The following DLGAP4 variants were observed in gnomAD, a reference collection of about 807,000 sequenced individuals.
DLGAP4 encodes DLG associated protein 4.
In DLGAP4, 18 loss-of-function variants were observed where a neutral mutation model predicts 86.9. That is an observed-to-expected ratio of 0.21 (90% CI 0.14 to 0.31). DLGAP4 has a LOEUF of 0.31. DLGAP4 is among the 10% of genes least tolerant of loss of function. The pLI is 1.00. For missense variants in DLGAP4, 1,085 were observed against 1,362.6 expected (o/e 0.80, Z 3.21); for synonymous variants, 548 against 574.3 (o/e 0.95, Z 0.65).
intron 1 of DLGAP4, among the ~76,000 whole-genome samples, chr20:36,335,752 G>C (rs1385157444): frequency 6.6e-6 from 1 of 152,094 alleles, no homozygotes; most frequent in East Asian, 1.9e-4. Context: ...TTCATCTTTT[G>C]CCCACCTGGA....
At chr20:36,316,943 A>G (rs1029238945) in intron 1 of DLGAP4, among the ~76,000 whole-genome samples, 18,475 of 152,240 alleles carry the variant, frequency 0.12, 3,056 homozygotes, top group African/African-American at 0.38. Flanking sequence ...ACCTACCAGG[A>G]CTGGCTTTTC....
At chr20:36,456,136 C>G (rs1366618580) in intron 7 of DLGAP4, among the ~76,000 whole-genome samples, 1 of 152,150 alleles carries the variant, frequency 6.6e-6, no homozygotes, top group Non-Finnish European at 1.5e-5. Context: ...CCCACTTATC[C>G]CAACATGCAC....
At chr20:36,485,702 G>C (rs573178191) in intron 7 of DLGAP4, among the ~76,000 whole-genome samples, 1 of 152,282 alleles carries the variant, frequency 6.6e-6, no homozygotes, top group African/African-American at 2.4e-5. Flanking sequence ...CATCTGTAAA[G>C]TATCAGTGAT....
rs1029906155 is a variant in DLGAP4, at chr20:36,313,759, G to T, written c.-304+7247G>T. On this transcript the variant is annotated intron_variant, in intron 1 of 12. Coordinates refer to ENST00000339266, the MANE Select transcript of DLGAP4 (RefSeq NM_001365621.2). ...CTGGGGAAACTGAGGCTGCACAGCTGGTGGGTAGTAGAGCTAGGATTTGAA... is the reference window on the plus strand; with the variant it reads ...CTGGGGAAACTGAGGCTGCACAGCTTGTGGGTAGTAGAGCTAGGATTTGAA... Among the ~76,000 whole-genome samples, 3 of 152,302 alleles carry T rather than the reference G, an allele frequency of 2.0e-5. 1 individual carries two copies. Among genetic ancestry groups the T allele is most frequent in the South Asian group, 2.1e-4 (1 of 4,832 alleles).
intron 2 of DLGAP4, among the ~76,000 whole-genome samples, chr20:36,419,666 G>T (rs562250954): frequency 6.6e-6 from 1 of 152,302 alleles, no homozygotes; most frequent in South Asian, 2.1e-4. Flanking sequence ...TCACCCACAG[G>T]GTTGGCAAGT....
intron 2 of DLGAP4, among the ~76,000 whole-genome samples, chr20:36,410,635 G>A (rs2147501002): frequency 6.6e-6 from 1 of 152,296 alleles, no homozygotes. Flanking sequence ...TATGGCAAGA[G>A]AGGGAGTGTG....
chr20:36,512,931 CTTTTTTTTTTTTTTTTTTTTTTTTTTTT>C (rs57978491), intron 10 of DLGAP4, among the ~76,000 whole-genome samples: 1 of 23,530 alleles, frequency 4.2e-5, no homozygotes, highest in East Asian at 1.1e-3. Context: ...CTCAGAGGCC[CTTTTTTTTTTTTTTTTTTTTTTTTTTTT>C]TTTTTTTTTT....
intron 7 of DLGAP4, among the ~76,000 whole-genome samples, chr20:36,467,038 CTCTCTCTCTCTCTCTCTCTCTCT>C (rs1405158206): frequency 2.3e-5 from 3 of 128,286 alleles, no homozygotes; most frequent in African/African-American, 1.2e-4. Flanking sequence ...CTCTCTCTCT[CTCTCTCTCTCTCTCTCTCTCTCT>C]CTCCCCCCCC....
At chr20:36,337,073 A>C (rs1436778276) in intron 1 of DLGAP4, among the ~76,000 whole-genome samples, 4 of 152,164 alleles carry the variant, frequency 2.6e-5, no homozygotes, top group Non-Finnish European at 5.9e-5. Context: ...CAGCAGCTGC[A>C]GCCGCATTTC....
chr20:36,327,910 C>G (rs2065232328), intron 1 of DLGAP4, among the ~76,000 whole-genome samples: 1 of 146,034 alleles, frequency 6.8e-6, no homozygotes, highest in African/African-American at 2.5e-5. Flanking sequence ...TGGTTAAATT[C>G]TAAGGTTGCC....
intron 7 of DLGAP4, among the ~76,000 whole-genome samples, chr20:36,487,920 C>T (rs1211318659): frequency 6.6e-6 from 1 of 151,998 alleles, no homozygotes; most frequent in South Asian, 2.1e-4. Flanking sequence ...GCAGTTAGTG[C>T]GCCGGGCGTG....
intron 7 of DLGAP4, among the ~76,000 whole-genome samples, chr20:36,460,064 C>G (rs1358547517): frequency 6.6e-6 from 1 of 152,210 alleles, no homozygotes; most frequent in East Asian, 1.9e-4. Context: ...CAAGGTCACA[C>G]AGGGAGTGTG....
intron 2 of DLGAP4, among the ~76,000 whole-genome samples, chr20:36,383,635 A>G (rs1467153852): frequency 6.6e-6 from 1 of 152,088 alleles, no homozygotes; most frequent in Non-Finnish European, 1.5e-5. Context: ...CGGGGTGAGA[A>G]ACACACAGGA....
At chr20:36,440,508 C>T (rs1170858394) in intron 5 of DLGAP4, among the ~76,000 whole-genome samples, 1 of 152,120 alleles carries the variant, frequency 6.6e-6, no homozygotes, top group East Asian at 1.9e-4. Context: ...TTGCATGCCA[C>T]CCTCTCAACC....
intron 7 of DLGAP4, among the ~76,000 whole-genome samples, chr20:36,488,903 C>G (rs1424819264): frequency 6.6e-6 from 1 of 152,190 alleles, no homozygotes; most frequent in South Asian, 2.1e-4. Flanking sequence ...ACTATTGATT[C>G]ATTAACATTG....
At chr20:36,453,980 GAA>G (rs1016535988) in intron 7 of DLGAP4, among the ~76,000 whole-genome samples, 2 of 120,180 alleles carry the variant, frequency 1.7e-5, no homozygotes, top group Non-Finnish European at 3.6e-5. Context: ...AAAAGAAAAA[GAA>G]AAAAGAGTCC....
chr20:36,399,280 C>G (rs1163090937), intron 2 of DLGAP4, among the ~76,000 whole-genome samples: 2 of 152,212 alleles, frequency 1.3e-5, no homozygotes, highest in African/African-American at 2.4e-5. Context: ...GCTTTACATT[C>G]AAGAGAATTG....
At chr20:36,372,379 A>G (rs932364613) in intron 2 of DLGAP4, among the ~76,000 whole-genome samples, 20 of 152,090 alleles carry the variant, frequency 1.3e-4, no homozygotes, top group African/African-American at 4.8e-4. Flanking sequence ...GGCTGGGCAC[A>G]AGGCCAGCTG....
intron 6 of DLGAP4, among the ~76,000 whole-genome samples, chr20:36,445,667 G>T (rs1281672003): frequency 6.6e-6 from 1 of 152,140 alleles, no homozygotes; most frequent in Non-Finnish European, 1.5e-5. Flanking sequence ...ATGGCCTGAG[G>T]TTACACAGCT....
Sources: allele counts gnomAD v4.1 joint callset (sites outside exome capture counted in the v4.1 genomes callset), GRCh38; gene constraint gnomAD v4.1.1; transcripts MANE v1.5; gene names NCBI Gene and HGNC (gene_info 2026-07-23, HGNC 2026-07-21).